The following VPS13B variants were observed in gnomAD, a reference collection of about 807,000 sequenced individuals.
VPS13B encodes intermembrane lipid transfer protein VPS13B.
Under a neutral mutation model 426.4 loss-of-function variants are expected in VPS13B, and 285 were observed. The ratio of observed to expected loss-of-function variants is 0.67; its 90% CI spans 0.61 to 0.74. The LOEUF (loss-of-function observed/expected upper bound fraction) is 0.74. Among genes scored for constraint, VPS13B ranks in the 30% least tolerant of loss-of-function variants. The pLI, the probability that VPS13B is intolerant of heterozygous loss-of-function variation, is 0.00. For synonymous variants in VPS13B, 1,676 were observed against 1,676.4 expected (o/e 1.00, Z 0.01); for missense variants, 4,537 against 4,782.6 (o/e 0.95, Z 1.51).
rs147343630 is a variant in VPS13B at position 99,141,231 on chromosome 8, G to A, written c.1652-1743G>A. On this transcript the variant is annotated intron_variant, in intron 12 of 61. Transcript: ENST00000357162. Reference sequence around the variant, plus strand: ...ACAAGTAAATAGCTGAAAATATATAGCTAAAAGCCAGTTGTGTTTTTACAT... The same window carrying A: ...ACAAGTAAATAGCTGAAAATATATAACTAAAAGCCAGTTGTGTTTTTACAT... 2.6e-5 allele frequency among the ~76,000 whole-genome samples: 4 copies of A among 152,248 alleles called. No homozygotes were observed. In the East Asian group the frequency reaches 7.7e-4, roughly 29 times the overall value.
intron 17 of VPS13B, among the ~76,000 whole-genome samples, chr8:99,271,227 CT>C (rs1818582269): frequency 6.6e-6 from 1 of 150,852 alleles, no homozygotes; most frequent in South Asian, 2.1e-4. Context: ...ACTACTACTA[CT>C]ACTACTACTA....
intron 3 of VPS13B, among the ~76,000 whole-genome samples, chr8:99,041,967 A>G (rs1459156214): frequency 6.6e-6 from 1 of 151,982 alleles, no homozygotes; most frequent in Non-Finnish European, 1.5e-5. Context: ...TTCATCTAAT[A>G]AATGTAACTA....
intron 21 of VPS13B, among the ~76,000 whole-genome samples, chr8:99,408,304 T>C (rs150834484): frequency 2.0e-4 from 30 of 152,286 alleles, no homozygotes; most frequent in African/African-American, 7.2e-4. Context: ...ATATGGCTCT[T>C]GGCCATAGTG....
intron 33 of VPS13B, among the ~76,000 whole-genome samples, chr8:99,639,295 C>T (rs1031556654): frequency 1.3e-5 from 2 of 152,000 alleles, no homozygotes; most frequent in Non-Finnish European, 2.9e-5. Context: ...AAGTGAACTA[C>T]TAAGATCACC....
At chr8:99,712,856 T>A (rs1018941129) in intron 36 of VPS13B, among the ~76,000 whole-genome samples, 4 of 152,018 alleles carry the variant, frequency 2.6e-5, no homozygotes, top group African/African-American at 9.7e-5. Flanking sequence ...TTTTTCATTC[T>A]CTCCTTGCCC....
At chr8:99,120,279 T>C (rs1360829013) in intron 7 of VPS13B, 1 of 152,196 alleles carries the variant, frequency 6.6e-6, no homozygotes, top group Non-Finnish European at 1.5e-5. Context: ...CTCGAACTCC[T>C]GAGCTCAGGT....
At chr8:99,180,077 CT>C (rs1743667791) in intron 16 of VPS13B, among the ~76,000 whole-genome samples, 2 of 152,106 alleles carry the variant, frequency 1.3e-5, no homozygotes, top group African/African-American at 4.8e-5. Flanking sequence ...ACTTCATCTC[CT>C]TTTTTTCCTG....
At position 99,391,630 on chromosome 8, in the gene VPS13B, C is replaced by A. The variant is rs371660958; in HGVS notation, c.3008C>A (p.Ala1003Asp). Residue 1003 changes from alanine to aspartate, a missense_variant, in exon 21 of 62, where the codon GCC becomes GAC. By Grantham distance (126) the Ala-to-Asp change is moderately radical. Around this residue, in one of 2 missense-constraint regions of VPS13B, gnomAD observed 4,311 missense variants for 4,474.3 expected, o/e 0.96. Transcript: ENST00000357162. ...RKEDEVSIGS[A>D]PLAKQQSYQA... ...GAGGATGAGGTGTCTATTGGAAGTG[C>A]CCCCTTGGCAAAGCAGCAATCATAT... The A allele has an allele frequency of 2.5e-6, 4 of 1,614,076 alleles. No homozygotes were observed. The highest frequency in any genetic ancestry group is 1.1e-5 in the South Asian group (1 of 91,084).
chr8:99,025,859 G>T (rs549299631), intron 2 of VPS13B, among the ~76,000 whole-genome samples: 175 of 152,090 alleles, frequency 1.2e-3, no homozygotes, highest in Non-Finnish European at 2.1e-3. Flanking sequence ...TGTTCATAAT[G>T]GTCACTAACG....
At chr8:99,551,144 C>T (rs1218116303) in intron 30 of VPS13B, among the ~76,000 whole-genome samples, 1 of 151,930 alleles carries the variant, frequency 6.6e-6, no homozygotes, top group Non-Finnish European at 1.5e-5. Flanking sequence ...TCAGTTTCTC[C>T]TTGTAGAGCT....
intron 21 of VPS13B, among the ~76,000 whole-genome samples, chr8:99,428,650 A>T (rs1024293143): frequency 6.6e-6 from 1 of 152,156 alleles, no homozygotes; most frequent in East Asian, 1.9e-4. Context: ...GCTGGAGAGG[A>T]TGTGGAGAAA....
intron 19 of VPS13B, among the ~76,000 whole-genome samples, chr8:99,336,912 G>C (rs1236905680): frequency 6.6e-6 from 1 of 151,960 alleles, no homozygotes; most frequent in Non-Finnish European, 1.5e-5. Context: ...TACACTGTTG[G>C]TGGGACTGTA....
rs62076503 is a variant in VPS13B at position 99,028,121 on chromosome 8, C to A, written c.148-10302C>A. 3.9e-3 allele frequency among the ~76,000 whole-genome samples: 589 copies of A among 152,354 alleles called. 6 individuals carry two copies. The highest frequency in any genetic ancestry group is 0.013 in the African/African-American group (524 of 41,590). On this transcript the variant is annotated intron_variant, in intron 2 of 61. Coordinates refer to ENST00000357162, the MANE Select transcript of VPS13B (RefSeq NM_152564.5). ...TCTCCCATGTCTACTTCTCTCCACA[C>A]AGACCCGGCAACCATCCGATTTCTC...
chr8:99,742,873 T>C (rs1285527641), intron 39 of VPS13B, among the ~76,000 whole-genome samples: 2 of 152,190 alleles, frequency 1.3e-5, no homozygotes, highest in Non-Finnish European at 2.9e-5. Context: ...AATATCATAC[T>C]GAATGGGCAA....
At chr8:99,560,138 G>T (rs1221244491) in intron 31 of VPS13B, among the ~76,000 whole-genome samples, 2 of 152,076 alleles carry the variant, frequency 1.3e-5, no homozygotes, top group Admixed American at 6.5e-5. Context: ...TTGTAAGTTG[G>T]ATTCCTAGGT....
At position 99,126,024 on chromosome 8, in the gene VPS13B, G is replaced by A. The variant is rs79535487; in HGVS notation, c.1206+4579G>A. Among the ~76,000 whole-genome samples the A allele has an allele frequency of 5.1e-3, 770 of 152,146 alleles. 11 individuals are homozygous for A. The highest frequency in any genetic ancestry group is 0.017 in the African/African-American group (722 of 41,504). Reference sequence around the variant, plus strand: ...AAAAAATCGATATAGGCAAGAGGGGGAGAATTGGCTGGAGTAATATTCTTG... The same window carrying A: ...AAAAAATCGATATAGGCAAGAGGGGAAGAATTGGCTGGAGTAATATTCTTG... On this transcript the variant is annotated intron_variant, in intron 8 of 61. Transcript: ENST00000357162.
At chr8:99,360,566 C>T (rs193302080) in intron 19 of VPS13B, among the ~76,000 whole-genome samples, 1 of 152,074 alleles carries the variant, frequency 6.6e-6, no homozygotes, top group African/African-American at 2.4e-5. Context: ...CATGAGCCAC[C>T]CCACCCGGCC....
At chr8:99,036,031 G>C (rs568578729) in intron 2 of VPS13B, among the ~76,000 whole-genome samples, 34 of 152,124 alleles carry the variant, frequency 2.2e-4, no homozygotes, top group Non-Finnish European at 4.9e-4. Flanking sequence ...CATAGGACTT[G>C]TTTATATATT....
At chr8:99,270,131 C>CTTTTT (rs71273170) in intron 17 of VPS13B, among the ~76,000 whole-genome samples, 524 of 30,270 alleles carry the variant, frequency 0.017, 210 homozygotes, top group African/African-American at 0.02. Context: ...ATATAAGAAT[C>CTTTTT]TTTTTTTTTT....
Sources: allele counts gnomAD v4.1 joint callset (sites outside exome capture counted in the v4.1 genomes callset), GRCh38; gene constraint gnomAD v4.1.1; regional missense constraint gnomAD v4.1.1; transcripts MANE v1.5; gene names NCBI Gene and HGNC (gene_info 2026-07-23, HGNC 2026-07-21).